Variants in GREB1 observed in about 807,000 individuals in gnomAD.
GREB1 encodes the protein protein GREB1.
In GREB1, 106 loss-of-function variants were observed where a neutral mutation model predicts 200.7. The observed-to-expected ratio is 0.53, with a 90% CI of 0.45 to 0.62. The LOEUF (loss-of-function observed/expected upper bound fraction) is 0.62. Among genes scored for constraint, GREB1 ranks in the 20% least tolerant of loss-of-function variants. The pLI is 0.00. For missense variants in GREB1, 2,243 were observed against 2,556.8 expected (o/e 0.88, Z 2.65); for synonymous variants, 1,132 against 1,092.4 (o/e 1.04, Z -0.72).
rs57352590 is a variant in GREB1, at chr2:11,483,687, G to GGTGT, written c.-159+1350_-159+1353dup. Among the ~76,000 whole-genome samples, 546 of 132,376 alleles carry GGTGT rather than the reference G, an allele frequency of 4.1e-3. 5 individuals are homozygous for GGTGT. The highest frequency in any genetic ancestry group is 6.6e-3 in the Admixed American group (88 of 13,244). The allele number at this position is 132,376 out of a possible 152,430, so 86.8% of individuals were successfully genotyped here. ...GCTGCTTCCCCGAAGTACAAGAAGG[G>GGTGT]GTGTGTGTGTGTGTGTGTGTGTGTG... is the stretch of plus-strand genomic sequence containing the variant. On this transcript the variant is annotated intron_variant, in intron 1 of 2. Coordinates refer to the GREB1 transcript ENST00000628795.
In GREB1 at chr2:11,612,559, C is replaced by G. The variant is rs1473445235; in HGVS notation, c.3071C>G (p.Pro1024Arg). The stretch of plus-strand genomic sequence containing the variant: ...ACTTACTTGGAGCTGGAGGGTCTGC[C>G]TTGCATCCTGATCTTCAGTGGGATG... The part of the protein sequence containing the change: ...PQTYLELEGL[P>R]CILIFSGMDP... Residue 1024 changes from proline (P) to arginine (R), a missense_variant, in exon 19 of 33, where the codon CCT becomes CGT. Around this residue, in one of 3 missense-constraint regions of GREB1, gnomAD observed 1,178 missense variants for 1,387.4 expected, o/e 0.85. Coordinates refer to ENST00000381486, the MANE Select transcript of GREB1 (RefSeq NM_014668.4). The G allele has an allele frequency of 1.2e-6, 2 of 1,612,848 alleles. No homozygotes were observed. The highest frequency in any genetic ancestry group is 1.7e-6 in the Non-Finnish European group (2 of 1,179,850).
At chr2:11,566,695 A>G (rs766101133) in intron 4 of GREB1, 39 bp downstream of exon 4, 8 of 1,575,878 alleles carry the variant, frequency 5.1e-6, no homozygotes, top group Non-Finnish European at 6.9e-6. Flanking sequence ...CTCCTTCTGC[A>G]TGGGGTAGAG....
At position 11,545,120 on chromosome 2, in the gene GREB1, C is replaced by T. The variant is rs180861369; in HGVS notation, c.-162+10866C>T. Among the ~76,000 whole-genome samples, 1,033 of 151,714 alleles carry T rather than the reference C, an allele frequency of 6.8e-3. 13 individuals are homozygous for T. The highest frequency in any genetic ancestry group is 0.024 in the African/African-American group (979 of 41,374). On this transcript the variant is annotated intron_variant, in intron 1 of 32. Transcript: ENST00000381486. ...GTGAGCCACCGGCCCGGCCTGCTCT[C>T]GGTTTTCTTTGTCTGGCTAGAAATG...
rs552914780 is a variant in GREB1 at position 11,589,686 on chromosome 2, GAGAA to G, written c.1345+759_1345+762del. On this transcript the variant is annotated intron_variant, in intron 10 of 32. Transcript: ENST00000381486. Reference sequence around the variant, plus strand: ...TGGGGCAGACGCAGTGGCGGAAATGGAGAAAGAGTCAGTTGTTGCCTATTAAAGG... The same window carrying G: ...TGGGGCAGACGCAGTGGCGGAAATGGAGAGTCAGTTGTTGCCTATTAAAGG... Among the ~76,000 whole-genome samples the G allele has an allele frequency of 2.0e-3, 306 of 152,350 alleles. 2 individuals are homozygous for G. Among genetic ancestry groups the G allele is most frequent in the African/African-American group, 7.0e-3 (292 of 41,578 alleles).
In GREB1 at chr2:11,634,324, C is replaced by T; in HGVS notation, c.5185C>T (p.Gln1729Ter). 1 of 1,614,004 alleles carries T rather than the reference C, an allele frequency of 6.2e-7. No homozygotes were observed. The highest frequency in any genetic ancestry group is 8.5e-7 in the Non-Finnish European group (1 of 1,179,908). ...CATCATCCTGAACGTGGACCTGACC[C>T]AGAACGTGCAGTACAACCAGAACCG... Reference protein sequence around the residue: ...NFIILNVDLTQNVQYNQNRFL... With the variant: ...NFIILNVDLT Residue 1729 changes from glutamine to a stop codon, truncating the protein, a stop_gained, in exon 29 of 33, where the codon CAG becomes TAG. Coordinates refer to ENST00000381486, the MANE Select transcript of GREB1 (RefSeq NM_014668.4). LOFTEE classifies it high-confidence loss of function.
In GREB1 at chr2:11,580,785, A is replaced by G. The variant is rs899920855; in HGVS notation, c.854A>G (p.Gln285Arg). ...GGCAAAGATTCCCCGAAGTGCCAAC[A>G]ACTGGCAAAGAATAACCTGTTGGCC... ...FNGKDSPKCQ[Q>R]LAKNNLLALP... Residue 285 changes from glutamine (Q) to arginine (R), a missense_variant, in exon 7 of 33, where the codon CAA becomes CGA. Transcript: ENST00000381486. This position sits in a 1 kb window ranked among gnomAD's most constrained non-coding sequence, Gnocchi z 4.5. The G allele has an allele frequency of 3.7e-6, 6 of 1,614,256 alleles. No homozygotes were observed. Among genetic ancestry groups the G allele is most frequent in the Non-Finnish European group, 5.1e-6 (6 of 1,180,040 alleles).
chr2:11,546,561 G>T (rs1675296964), intron 1 of GREB1, among the ~76,000 whole-genome samples: 1 of 152,144 alleles, frequency 6.6e-6, no homozygotes, highest in African/African-American at 2.4e-5. Flanking sequence ...TGAAGTTTTG[G>T]TATTTTTTAT....
chr2:11,562,707 C>A, intron 3 of GREB1, 125 bp downstream of exon 3: 1 of 1,194,510 alleles, frequency 8.4e-7, no homozygotes, highest in Non-Finnish European at 1.2e-6. Flanking sequence ...TCTTTGCTTT[C>A]CCTGAGGTGT....
chr2:11,570,401 T>TTAA (rs376274912), intron 4 of GREB1, among the ~76,000 whole-genome samples: 15 of 132,294 alleles, frequency 1.1e-4, no homozygotes, highest in African/African-American at 3.7e-4. Context: ...GAAACTCCAT[T>TTAA]AAAAAAAAAA....
chr2:11,604,994 A>G (rs888906610), intron 17 of GREB1, among the ~76,000 whole-genome samples: 3 of 151,928 alleles, frequency 2.0e-5, no homozygotes, highest in African/African-American at 7.3e-5. Context: ...TCCTATTTTT[A>G]TTCTAATATA....
Position 11,618,302 on chromosome 2 carries a change from G to A in GREB1, c.3427G>A (p.Gly1143Ser), listed in dbSNP as rs759041147. The part of the protein sequence containing the change: ...SSKASGSALG[G>S]ESSAQPTALP... ...TCTCTCCTCAGGTTCAGCGCTCGGTGGCGAGTCCTCGGCTCAGCCCACAGC... is the reference window on the plus strand; with the variant it reads ...TCTCTCCTCAGGTTCAGCGCTCGGTAGCGAGTCCTCGGCTCAGCCCACAGC... The change falls in exon 22 of 33, where the codon GGC becomes AGC. Residue 1143 changes from glycine to serine, a missense_variant. Transcript: ENST00000381486. 1.9e-6 allele frequency: 3 copies of A among 1,564,640 alleles called. No homozygotes were observed. The highest frequency in any genetic ancestry group is 4.5e-5 in the East Asian group (2 of 44,302).
At position 11,580,717 on chromosome 2, in the gene GREB1, T is replaced by C. The variant is rs1388090296; in HGVS notation, c.786T>C (p.Asp262=). The C allele has an allele frequency of 6.2e-7, 1 of 1,612,320 alleles. No homozygotes were observed. The highest frequency in any genetic ancestry group is 1.3e-5 in the African/African-American group (1 of 75,050). ...MGAQQAGPAS[D]HPSLNAAMGP... Reference sequence around the variant, plus strand: ...ATCTGTTTTCAGGACCAGCTTCTGATCACCCCTCACTAAACGCAGCAATGG... The same window carrying C: ...ATCTGTTTTCAGGACCAGCTTCTGACCACCCCTCACTAAACGCAGCAATGG... The change falls in exon 7 of 33, where the codon GAT becomes GAC. Residue 262 remains aspartate (D), a synonymous_variant. Coordinates refer to ENST00000381486, the MANE Select transcript of GREB1 (RefSeq NM_014668.4). This position sits in a 1 kb window ranked among gnomAD's most constrained non-coding sequence, Gnocchi z 4.5.
At chr2:11,502,689 A>G (rs1558486792) in intron 1 of GREB1, among the ~76,000 whole-genome samples, 1 of 152,244 alleles carries the variant, frequency 6.6e-6, no homozygotes, top group East Asian at 1.9e-4. Flanking sequence ...TTTATTATCT[A>G]TTTATATACA....
intron 7 of GREB1, 56 bp from the exon 8 acceptor site, chr2:11,585,105 T>G: frequency 1.1e-6 from 1 of 935,142 alleles, no homozygotes; most frequent in South Asian, 2.2e-5. Context: ...CAAGGGTAAA[T>G]TTTATTGGAG....
chr2:11,607,223 A>G (rs1682384508), intron 17 of GREB1, among the ~76,000 whole-genome samples: 1 of 151,804 alleles, frequency 6.6e-6, no homozygotes, highest in Non-Finnish European at 1.5e-5. Flanking sequence ...AGCTGGGACT[A>G]CAGGTGCATG....
chr2:11,595,202 G>A (rs577060878), intron 11 of GREB1, 49 bp from the exon 12 acceptor site: 66 of 1,555,466 alleles, frequency 4.2e-5, no homozygotes, highest in Admixed American at 2.2e-4. Flanking sequence ...TACACAGCCC[G>A]TAAGCAGGGA....
At chr2:11,509,190 G>C (rs994482119) in intron 1 of GREB1, among the ~76,000 whole-genome samples, 4 of 152,012 alleles carry the variant, frequency 2.6e-5, no homozygotes, top group Non-Finnish European at 5.9e-5. Flanking sequence ...TTTTCTTTCT[G>C]TAAGAATTCC....
In GREB1 at chr2:11,618,567, C is replaced by T. The variant is rs1683714314; in HGVS notation, c.3692C>T (p.Ser1231Leu). Residue 1231 changes from serine to leucine, a missense_variant, in exon 22 of 33, where the codon TCA (serine) becomes TTA (leucine). Physicochemically the swap from Ser to Leu is moderately radical, Grantham distance 145. Transcript: ENST00000381486. ...TCCTCCTCCTCGGGCTCATCCTCCT[C>T]ATCCGTGGCGCCCGCTGCCGGCACG... ...QLSSSSGSSS[S>L]SVAPAAGTWV... 3.7e-6 allele frequency: 6 copies of T among 1,612,956 alleles called. No homozygotes were observed. Among genetic ancestry groups the T allele is most frequent in the Non-Finnish European group, 5.1e-6 (6 of 1,179,862 alleles).
At position 11,612,611 on chromosome 2, in the gene GREB1, G is replaced by A. The variant is rs1683033411; in HGVS notation, c.3122+1G>A. The A allele has an allele frequency of 6.3e-7, 1 of 1,594,426 alleles. No individual in the cohort carries two copies. The highest frequency in any genetic ancestry group is 8.6e-7 in the Non-Finnish European group (1 of 1,163,748). On this transcript the variant is annotated splice_donor_variant, in intron 19 of 32. Transcript: ENST00000381486. LOFTEE classifies it high-confidence loss of function. ...ACCCGCATGGGGAGTCCTTGCCGAGGTGAGTGGAGGGGTTATGCCCCTGGG... is the reference window on the plus strand; with the variant it reads ...ACCCGCATGGGGAGTCCTTGCCGAGATGAGTGGAGGGGTTATGCCCCTGGG...
Sources: gnomAD v4.1 joint callset for allele counts (sites outside exome capture counted in the v4.1 genomes callset) on GRCh38, gnomAD v4.1.1 for gene constraint, gnomAD v4.1.1 regional missense constraint, Gnocchi (gnomAD v3.1) non-coding constraint, MANE v1.5 for transcripts, NCBI Gene and HGNC (gene_info 2026-07-23, HGNC 2026-07-21) for gene names.